ANKMY1: variants seen among roughly 807,000 people sequenced by gnomAD.
ANKMY1 encodes the protein ankyrin repeat and MYND domain containing 1.
Under a neutral mutation model 102.0 loss-of-function variants are expected in ANKMY1, and 98 were observed. The ratio of observed to expected loss-of-function variants is 0.96; its 90% confidence interval spans 0.82 to 1.14. The LOEUF is 1.14. ANKMY1 is among the 50% of genes most tolerant of loss of function. The pLI, the probability that ANKMY1 is intolerant of heterozygous loss-of-function variation, is 0.00. For synonymous variants in ANKMY1, 582 were observed against 559.9 expected (o/e 1.04, Z -0.56); for missense variants, 1,330 against 1,347.6 (o/e 0.99, Z 0.20).
chr2:240,556,425 C>A (rs1351428365), intron 2 of ANKMY1, among the ~76,000 whole-genome samples: 5 of 152,160 alleles, frequency 3.3e-5, no homozygotes, highest in Non-Finnish European at 7.4e-5. Context: ...CCTAGCTAAG[C>A]CCGCTCCCAC....
chr2:240,469,763 TCCTCAC>T, the ANKMY1 span, among the ~76,000 whole-genome samples: 1 of 147,452 alleles, frequency 6.8e-6, no homozygotes, highest in African/African-American at 2.6e-5. Context: ...CACATGCACG[TCCTCAC>T]ATGCCCACAT....
At chr2:240,511,728 C>T in intron 11 of ANKMY1, 133 bp downstream of exon 11, 1 of 1,204,424 alleles carries the variant, frequency 8.3e-7, no homozygotes, top group Non-Finnish European at 1.1e-6. Context: ...GCTTCCCTCC[C>T]CATCCTTCCA....
At chr2:240,539,384 G>A (rs936640179) in intron 4 of ANKMY1, among the ~76,000 whole-genome samples, 1 of 152,160 alleles carries the variant, frequency 6.6e-6, no homozygotes, top group Non-Finnish European at 1.5e-5. Context: ...GTGAAGGTCT[G>A]CAGCTTCACT....
At chr2:240,559,424 C>G (rs904429181), upstream of ANKMY1, among the ~76,000 whole-genome samples, 1 of 152,208 alleles carries the variant, frequency 6.6e-6, no homozygotes, top group Non-Finnish European at 1.5e-5. Flanking sequence ...CATGAGAGAA[C>G]AGAGGAGCCT....
downstream of ANKMY1, among the ~76,000 whole-genome samples, chr2:240,476,622 G>A (rs2074873871): frequency 6.6e-6 from 1 of 152,180 alleles, no homozygotes; most frequent in South Asian, 2.1e-4. Context: ...GGGCCCCTAC[G>A]GCAACTAAGA....
chr2:240,525,742 G>C lies in ANKMY1; in HGVS notation c.1278C>G (p.His426Gln). 1.9e-6 allele frequency: 3 copies of C among 1,614,192 alleles called. No homozygotes were observed. The highest frequency in any genetic ancestry group is 2.5e-6 in the Non-Finnish European group (3 of 1,180,026). ...LTALSMCFLL[H>Q]YPAQSFKPNV... Reference sequence around the variant, plus strand: ...TGGGCTTGAAGGACTGGGCGGGGTAGTGGAGGAGGAAACACATGCTGAGTG... The same window carrying C: ...TGGGCTTGAAGGACTGGGCGGGGTACTGGAGGAGGAAACACATGCTGAGTG... Residue 426 changes from histidine to glutamine, a missense_variant, in exon 7 of 18, where the codon CAC becomes CAG. By Grantham distance (24) the His-to-Gln change is conservative. Coordinates refer to ENST00000401804, the MANE Select transcript of ANKMY1 (RefSeq NM_001282771.3).
intron 9 of ANKMY1, among the ~76,000 whole-genome samples, chr2:240,513,231 T>C (rs1046608450): frequency 3.3e-5 from 5 of 152,162 alleles, no homozygotes; most frequent in Admixed American, 2.6e-4. Flanking sequence ...TAAGCCACTG[T>C]CCACAACTTC....
the ANKMY1 span, among the ~76,000 whole-genome samples, chr2:240,469,683 AACGAACACAT>A: frequency 3.3e-5 from 5 of 149,648 alleles, no homozygotes; most frequent in African/African-American, 9.9e-5. Flanking sequence ...TACACACACA[AACGAACACAT>A]ACAACACCCT....
chr2:240,524,940 CAA>C (rs773744156), intron 7 of ANKMY1, among the ~76,000 whole-genome samples: 1 of 152,186 alleles, frequency 6.6e-6, no homozygotes, highest in Non-Finnish European at 1.5e-5. Context: ...GAAACCAGCC[CAA>C]GAGTCCCACA....
intron 4 of ANKMY1, among the ~76,000 whole-genome samples, chr2:240,540,106 G>T (rs902803498): frequency 1.3e-5 from 2 of 152,250 alleles, no homozygotes; most frequent in African/African-American, 2.4e-5. Context: ...CCTTTGTGCT[G>T]ACTCCAAGTG....
At chr2:240,516,034 G>C (rs562567548) in intron 9 of ANKMY1, among the ~76,000 whole-genome samples, 3 of 151,292 alleles carry the variant, frequency 2.0e-5, no homozygotes, top group African/African-American at 7.3e-5. Flanking sequence ...TCCCTTTTGA[G>C]TAAACTGCAG....
At chr2:240,552,509 G>A (rs1358044039) in intron 4 of ANKMY1, among the ~76,000 whole-genome samples, 1 of 152,062 alleles carries the variant, frequency 6.6e-6, no homozygotes, top group Non-Finnish European at 1.5e-5. Flanking sequence ...AAAAATTTCA[G>A]AACTATATAT....
the ANKMY1 span, among the ~76,000 whole-genome samples, chr2:240,473,686 G>C: frequency 6.6e-6 from 1 of 152,114 alleles, no homozygotes; most frequent in Non-Finnish European, 1.5e-5. Flanking sequence ...TATGGATGTG[G>C]ATATATGTTG....
chr2:240,553,090 G>C (rs2091811475), intron 3 of ANKMY1, 33 bp from the exon 4 acceptor site: 1 of 1,608,086 alleles, frequency 6.2e-7, no homozygotes. Flanking sequence ...AGAAATTGCT[G>C]CTCTTCCAGA....
chr2:240,557,165 C>T, intron 2 of ANKMY1, 25 bp downstream of exon 2: 1 of 1,445,188 alleles, frequency 6.9e-7, no homozygotes, highest in South Asian at 1.5e-5. Flanking sequence ...AGGGTCGGAC[C>T]TCCCCGCTGG....
chr2:240,534,652 C>G (rs997977841), intron 4 of ANKMY1, among the ~76,000 whole-genome samples: 3 of 152,166 alleles, frequency 2.0e-5, no homozygotes, highest in Non-Finnish European at 4.4e-5. Context: ...GGGAGATATA[C>G]TAATTCAAAA....
intron 13 of ANKMY1, among the ~76,000 whole-genome samples, chr2:240,505,058 G>C (rs1245384346): frequency 6.6e-6 from 1 of 151,330 alleles, no homozygotes; most frequent in African/African-American, 2.4e-5. Context: ...CAAAAAAACA[G>C]AAAATAACAA....
At chr2:240,557,426 GC>G (rs2092488967) in intron 1 of ANKMY1, 74 bp from the exon 2 acceptor site, 1 of 1,394,814 alleles carries the variant, frequency 7.2e-7, no homozygotes, top group Non-Finnish European at 9.4e-7. Context: ...CCGAGGCCCG[GC>G]CCGCGGCCCC....
chr2:240,484,578 A>G (rs780494564), intron 15 of ANKMY1, among the ~76,000 whole-genome samples: 14 of 152,206 alleles, frequency 9.2e-5, no homozygotes, highest in Non-Finnish European at 1.6e-4. Flanking sequence ...ACTTAAATGT[A>G]AGACCTAAAG....
Sources: gnomAD v4.1 joint callset for allele counts (sites outside exome capture counted in the v4.1 genomes callset) on GRCh38, gnomAD v4.1.1 for gene constraint, MANE v1.5 for transcripts, NCBI Gene and HGNC (gene_info 2026-07-23, HGNC 2026-07-21) for gene names.